The following SERAC1 variants were observed in gnomAD, a reference collection of about 807,000 sequenced individuals.
SERAC1 encodes protein SERAC1.
SERAC1 carries 36 observed loss-of-function variants against 85.7 expected under a neutral mutation model. The observed-to-expected ratio is 0.42, with a 90% CI of 0.32 to 0.55. SERAC1 has a LOEUF of 0.55. SERAC1 is among the 20% of genes least tolerant of loss of function. The pLI is 0.11. For synonymous variants in SERAC1, 242 were observed against 265.3 expected, an observed-to-expected ratio of 0.91 and a Z score of 0.85; for missense variants, 629 against 796.2, an observed-to-expected ratio of 0.79 and a Z score of 2.53.
intron 8 of SERAC1, among the ~76,000 whole-genome samples, chr6:158,142,034 C>A (rs1355636312): frequency 4.0e-5 from 6 of 151,826 alleles, no homozygotes; most frequent in South Asian, 2.1e-4. Context: ...ATAGTTATTG[C>A]AGTTAATAAT....
chr6:158,161,821 AAAT>A (rs1785494751), intron 1 of SERAC1: 1 of 152,024 alleles, frequency 6.6e-6, no homozygotes, highest in Non-Finnish European at 1.5e-5. Flanking sequence ...CCCTTACTCT[AAAT>A]CTCCTCAGAG....
Position 158,113,758 on chromosome 6 carries a change from G to C in SERAC1, c.1685-166C>G, listed in dbSNP as rs16900600. Among the ~76,000 whole-genome samples the C allele has an allele frequency of 2.2e-3, 340 of 152,230 alleles. 1 individual carries two copies. Among genetic ancestry groups the C allele is most frequent in the African/African-American group, 7.7e-3 (319 of 41,532 alleles). ...TGCCAAGAAGCCACTAAGATTCAAGGAAAAAGCTAAAACCAAGAATCGACA... is the reference window on the plus strand; with the variant it reads ...TGCCAAGAAGCCACTAAGATTCAAGCAAAAAGCTAAAACCAAGAATCGACA... On this transcript the variant is annotated intron_variant, in intron 15 of 16. Coordinates refer to ENST00000647468, the MANE Select transcript of SERAC1 (RefSeq NM_032861.4).
intron 5 of SERAC1, 64 bp downstream of exon 5, chr6:158,148,801 G>T: frequency 8.6e-7 from 1 of 1,168,390 alleles, no homozygotes; most frequent in Non-Finnish European, 1.2e-6. Context: ...AAAGTATCAG[G>T]TTGATCATTC....
intron 2 of SERAC1, among the ~76,000 whole-genome samples, chr6:158,156,817 TAA>T (rs1039891028): frequency 4.4e-5 from 6 of 137,686 alleles, no homozygotes; most frequent in African/African-American, 1.6e-4. Flanking sequence ...TATATTTATA[TAA>T]TATATTAATA....
At chr6:158,138,941 T>C (rs1162245551) in intron 8 of SERAC1, among the ~76,000 whole-genome samples, 1 of 152,204 alleles carries the variant, frequency 6.6e-6, no homozygotes, top group African/African-American at 2.4e-5. Context: ...AGGGACTTGT[T>C]CTGTTGCCCA....
chr6:158,160,153 G>A (rs150123239), intron 1 of SERAC1, among the ~76,000 whole-genome samples: 2,389 of 152,036 alleles, frequency 0.016, 26 homozygotes, highest in Non-Finnish European at 0.025. Flanking sequence ...ACCAGTACGA[G>A]AGGGGTTTTT....
At chr6:158,135,148 A>T (rs1035171084) in intron 8 of SERAC1, among the ~76,000 whole-genome samples, 3 of 152,158 alleles carry the variant, frequency 2.0e-5, no homozygotes, top group African/African-American at 7.2e-5. Context: ...GGCTGAAAAA[A>T]TTTTCAGGTA....
rs1002638922 is a variant in SERAC1, at chr6:158,110,404, C to T, written c.*962G>A. On this transcript the variant is annotated 3_prime_UTR_variant, in exon 17 of 17. Transcript: ENST00000647468. ...CTGTCTCTAAACAAACAAAACAAAA[C>T]AAAAATGAATTGTATAATTTAAAAG... 2.0e-5 allele frequency: 3 copies of T among 151,716 alleles called. No homozygotes were observed. Among genetic ancestry groups the T allele is most frequent in the African/African-American group, 7.3e-5 (3 of 41,224 alleles). The allele number at this position is 151,716 out of a possible 1,614,324, so 9.4% of individuals were successfully genotyped here. A position where few individuals can be genotyped will look rare whatever the true frequency, so the allele number is the denominator to read the frequency against.
At chr6:158,127,030 G>T (rs1332088819) in intron 10 of SERAC1, among the ~76,000 whole-genome samples, 1 of 145,266 alleles carries the variant, frequency 6.9e-6, no homozygotes, top group Non-Finnish European at 1.5e-5. Flanking sequence ...TCTAGCTTCA[G>T]CAACACAGTG....
chr6:158,130,545 CA>C (rs923548565), intron 8 of SERAC1, 59 bp from the exon 9 acceptor site: 421 of 1,016,264 alleles, frequency 4.1e-4, no homozygotes, highest in Middle Eastern at 1.1e-3. Context: ...TTTTGTTTGA[CA>C]AAAAAAAAGA....
chr6:158,161,755 T>C (rs1039035298), intron 1 of SERAC1: 4 of 152,094 alleles, frequency 2.6e-5, no homozygotes, highest in African/African-American at 7.3e-5. Context: ...GCTTCTCATA[T>C]GCAAACCAAC....
intron 1 of SERAC1, among the ~76,000 whole-genome samples, chr6:158,165,193 T>C (rs1010283067): frequency 6.6e-6 from 1 of 152,068 alleles, no homozygotes; most frequent in Non-Finnish European, 1.5e-5. Flanking sequence ...TCTCACTCTG[T>C]CACCCAGGCT....
chr6:158,137,814 G>A (rs934992578), intron 8 of SERAC1, among the ~76,000 whole-genome samples: 1 of 152,088 alleles, frequency 6.6e-6, no homozygotes, highest in African/African-American at 2.4e-5. Context: ...AGAAGGTGGA[G>A]GTTGTAGTGA....
chr6:158,146,989 T>C, intron 5 of SERAC1, 76 bp from the exon 6 acceptor site: 1 of 1,459,178 alleles, frequency 6.9e-7, no homozygotes, highest in Non-Finnish European at 9.5e-7. Flanking sequence ...GATGGTAATT[T>C]ATAAACACTG....
rs984826207 is a variant in SERAC1 at position 158,154,201 on chromosome 6, G to A, written c.128+1114C>T. Among the ~76,000 whole-genome samples, 3 of 149,868 alleles carry A rather than the reference G, an allele frequency of 2.0e-5. 1 individual carries two copies. Among genetic ancestry groups the A allele is most frequent in the Admixed American group, 6.7e-5 (1 of 14,980 alleles). ...AAAAAGAATCCTCTGCTCTCTTCGG[G>A]ATGTATCTGAACAGCCAACAAAAGG... On this transcript the variant is annotated intron_variant, in intron 3 of 16. Transcript: ENST00000647468.
intron 8 of SERAC1, among the ~76,000 whole-genome samples, chr6:158,135,132 G>C (rs1188022083): frequency 2.0e-5 from 3 of 152,276 alleles, no homozygotes; most frequent in East Asian, 3.9e-4. Context: ...CATGAAGACA[G>C]AGAAAGGCTG....
chr6:158,154,945 CTGATTTAAGTG>C (rs1785292347), intron 3 of SERAC1, among the ~76,000 whole-genome samples: 2 of 151,784 alleles, frequency 1.3e-5, no homozygotes, highest in Admixed American at 6.6e-5. Flanking sequence ...GAGTGAGTGC[CTGATTTAAGTG>C]CGCCGGAGCT....
Position 158,118,034 on chromosome 6 carries a change from G to A in SERAC1, c.1309-213C>T, listed in dbSNP as rs145980665. ...CCAGTATTTATAGCATAAGGCCAAT[G>A]AAGGTTTCAAGAGAATATTTTCCAT... is the stretch of plus-strand genomic sequence containing the variant. On this transcript the variant is annotated intron_variant, in intron 12 of 16. Transcript: ENST00000647468. 1.4e-3 allele frequency among the ~76,000 whole-genome samples: 219 copies of A among 152,312 alleles called. 3 individuals carry two copies. Among genetic ancestry groups the A allele is most frequent in the African/African-American group, 5.1e-3 (211 of 41,576 alleles).
intron 1 of SERAC1, among the ~76,000 whole-genome samples, chr6:158,164,076 T>G (rs1000620959): frequency 3.3e-5 from 5 of 152,058 alleles, no homozygotes; most frequent in African/African-American, 9.7e-5. Flanking sequence ...GCTAGTAGTA[T>G]AAATTTTCCA....
Sources: gnomAD v4.1 joint callset for allele counts (sites outside exome capture counted in the v4.1 genomes callset) on GRCh38, gnomAD v4.1.1 for gene constraint, MANE v1.5 for transcripts, NCBI Gene and HGNC (gene_info 2026-07-23, HGNC 2026-07-21) for gene names.